Variants in QRICH1 observed in about 807,000 individuals in gnomAD.
The protein encoded by QRICH1 is transcriptional regulator QRICH1.
Under a neutral mutation model 87.1 loss-of-function variants are expected in QRICH1, and 16 were observed. The ratio of observed to expected loss-of-function variants is 0.18; its 90% CI spans 0.12 to 0.28. The LOEUF is 0.28. QRICH1 is among the 10% of genes least tolerant of loss of function. QRICH1 has a pLI of 1.00. For synonymous variants in QRICH1, 367 were observed against 368.4 expected (o/e 1.00, Z 0.05); for missense variants, 647 against 951.7 (o/e 0.68, Z 4.21).
intron 2 of QRICH1, among the ~76,000 whole-genome samples, chr3:49,075,750 C>T (rs2041938550): frequency 6.6e-6 from 1 of 152,084 alleles, no homozygotes; most frequent in Non-Finnish European, 1.5e-5. Flanking sequence ...GGAGTTCAAG[C>T]CCAACATGGG....
chr3:49,039,216 G>T lies in QRICH1; in HGVS notation c.1786+5174C>A, dbSNP rs375131413. Among the ~76,000 whole-genome samples the T allele has an allele frequency of 5.9e-5, 9 of 151,806 alleles. 1 individual carries two copies. The highest frequency in any genetic ancestry group is 4.2e-4 in the South Asian group (2 of 4,816). The stretch of plus-strand genomic sequence containing the variant: ...TACTAAAAATATAAAAATTATCTGG[G>T]TGTTGTGGCACATGCCTGTAATCCC... On this transcript the variant is annotated intron_variant, in intron 6 of 9. Transcript: ENST00000395443.
rs182296397 is a variant in QRICH1 at position 49,044,590 on chromosome 3, T to C, written c.1672-86A>G. ...AATAAATATATTTTTCTACCAGTACTACTATCCTTCCCTACCCATTCACAC... is the reference window on the plus strand; with the variant it reads ...AATAAATATATTTTTCTACCAGTACCACTATCCTTCCCTACCCATTCACAC... On this transcript the variant is annotated intron_variant, in intron 5 of 9. Coordinates refer to ENST00000395443, the MANE Select transcript of QRICH1 (RefSeq NM_198880.3). 1.3e-5 allele frequency: 13 copies of C among 971,100 alleles called. 1 individual carries two copies. The highest frequency in any genetic ancestry group is 1.2e-4 in the African/African-American group (7 of 60,288). 60.2% of individuals were successfully genotyped at this position (971,100 alleles called of 1,614,324 possible). A position where few individuals can be genotyped will look rare whatever the true frequency, so the allele number is the denominator to read the frequency against.
At chr3:49,075,424 A>G (rs1332928652) in intron 2 of QRICH1, among the ~76,000 whole-genome samples, 1 of 152,092 alleles carries the variant, frequency 6.6e-6, no homozygotes, top group Non-Finnish European at 1.5e-5. Flanking sequence ...TGAGGTCAGA[A>G]GTTCGAGACC....
chr3:49,081,944 A>C (rs1433889488), intron 1 of QRICH1, among the ~76,000 whole-genome samples: 1 of 151,972 alleles, frequency 6.6e-6, no homozygotes, highest in Non-Finnish European at 1.5e-5. Flanking sequence ...AGTAGCTGGG[A>C]TTACAGGCAT....
intron 6 of QRICH1, among the ~76,000 whole-genome samples, chr3:49,044,141 GA>G (rs538027583): frequency 6.6e-6 from 1 of 151,878 alleles, no homozygotes; most frequent in African/African-American, 2.4e-5. Context: ...ATTTTAATAG[GA>G]AAAAAAAGAT....
In QRICH1 at chr3:49,047,640, C is replaced by T. The variant is rs183462216; in HGVS notation, c.1339-394G>A. 1.9e-3 allele frequency among the ~76,000 whole-genome samples: 293 copies of T among 151,944 alleles called. 3 individuals carry two copies. Among genetic ancestry groups the T allele is most frequent in the African/African-American group, 6.4e-3 (264 of 41,478 alleles). On this transcript the variant is annotated intron_variant, in intron 3 of 9. Coordinates refer to ENST00000395443, the MANE Select transcript of QRICH1 (RefSeq NM_198880.3). ...CTGGGTTTACAGGCATGCACCAACA[C>T]GGCCAGCTAATTTTATAATTTTAGT...
chr3:49,032,306 T>G (rs759676721), intron 8 of QRICH1, 33 bp from the exon 9 acceptor site: 1 of 1,548,564 alleles, frequency 6.5e-7, no homozygotes, highest in Non-Finnish European at 8.9e-7. Flanking sequence ...ACCACAGACC[T>G]GGCATCAGAC....
chr3:49,069,543 A>ATTTT (rs372639913), intron 2 of QRICH1, among the ~76,000 whole-genome samples: 7 of 122,778 alleles, frequency 5.7e-5, no homozygotes, highest in East Asian at 4.8e-4. Flanking sequence ...ATGGGGGGGA[A>ATTTT]TTTTTTTTTT....
At chr3:49,056,272 C>A (rs558612965) in intron 3 of QRICH1, among the ~76,000 whole-genome samples, 1 of 152,296 alleles carries the variant, frequency 6.6e-6, no homozygotes, top group East Asian at 1.9e-4. Context: ...CCTCGCCCGG[C>A]CGCCCCCGTA....
rs10600221 is a variant in QRICH1, at chr3:49,071,068, CTT to C, written c.309+5639_309+5640del. Among the ~76,000 whole-genome samples, 719 of 144,942 alleles carry C rather than the reference CTT, an allele frequency of 5.0e-3. 5 individuals carry two copies. Among genetic ancestry groups the C allele is most frequent in the Non-Finnish European group, 7.2e-3 (477 of 66,134 alleles). ...AACACTCCAAACTTAAATCCCCAAA[CTT>C]TTTTTTTTTTTTGAGACAGACTCTT... is the stretch of plus-strand genomic sequence containing the variant. On this transcript the variant is annotated intron_variant, in intron 2 of 9. Transcript: ENST00000395443.
At chr3:49,032,503 G>C (rs1389810221) in intron 8 of QRICH1, 119 bp downstream of exon 8, 16 of 1,321,284 alleles carry the variant, frequency 1.2e-5, no homozygotes, top group Admixed American at 2.4e-5. Context: ...AGAAGGGAGT[G>C]GAGAATTTTA....
chr3:49,076,302 C>T (rs1319178357), intron 2 of QRICH1, among the ~76,000 whole-genome samples: 10 of 152,216 alleles, frequency 6.6e-5, no homozygotes, highest in African/African-American at 2.2e-4. Flanking sequence ...TCGCCGCCGG[C>T]GGGGTCACGT....
intron 3 of QRICH1, 36 bp from the exon 4 acceptor site, chr3:49,047,282 G>GT: frequency 1.9e-6 from 3 of 1,574,160 alleles, no homozygotes; most frequent in Non-Finnish European, 1.7e-6. Flanking sequence ...TGTCAATATT[G>GT]TTTTATATTA....
chr3:49,071,944 A>C (rs528158255), intron 2 of QRICH1, among the ~76,000 whole-genome samples: 1 of 152,090 alleles, frequency 6.6e-6, no homozygotes, highest in African/African-American at 2.4e-5. Flanking sequence ...CACTCACCTC[A>C]GCCTCCCAAA....
At chr3:49,066,575 CTG>C (rs1440705000) in intron 2 of QRICH1, among the ~76,000 whole-genome samples, 5 of 151,194 alleles carry the variant, frequency 3.3e-5, no homozygotes. Context: ...AGCAATTCTC[CTG>C]CCTCAGCCTC....
At chr3:49,043,204 TAA>T (rs1161488362) in intron 6 of QRICH1, among the ~76,000 whole-genome samples, 1 of 151,956 alleles carries the variant, frequency 6.6e-6, no homozygotes, top group Non-Finnish European at 1.5e-5. Flanking sequence ...CTCTAAAACA[TAA>T]AGTCTATTGG....
In QRICH1 at chr3:49,057,061, G is replaced by C. The variant is rs148275282; in HGVS notation, c.1139C>G (p.Ala380Gly). The change falls in exon 3 of 10, where the codon GCA (alanine) becomes GGA (glycine). Residue 380 changes from alanine (A) to glycine (G), a missense_variant. Around this residue, in one of 7 missense-constraint regions of QRICH1, gnomAD observed 115 missense variants for 126.8 expected, o/e 0.91. Coordinates refer to ENST00000395443, the MANE Select transcript of QRICH1 (RefSeq NM_198880.3). The surrounding 1 kb of genome is among the most constrained non-coding windows in gnomAD (Gnocchi z 5.4). ...GAACTGTGCTGGAAAGAGAGAGTTT[G>C]CAAGGGTCTGCACTACCTCTTCATG... ...NSHEEVVQTLANSLFPAQFMN... is the reference protein window; with the variant it reads ...NSHEEVVQTLGNSLFPAQFMN... 1 of 1,614,234 alleles carries C rather than the reference G, an allele frequency of 6.2e-7. No individual in the cohort carries two copies. Among genetic ancestry groups the C allele is most frequent in the East Asian group, 2.2e-5 (1 of 44,884 alleles).
At chr3:49,054,098 C>T (rs1393456375) in intron 3 of QRICH1, among the ~76,000 whole-genome samples, 1 of 152,114 alleles carries the variant, frequency 6.6e-6, no homozygotes, top group African/African-American at 2.4e-5. Flanking sequence ...ATGTAAATCA[C>T]TCTAAGACTT....
intron 2 of QRICH1, among the ~76,000 whole-genome samples, chr3:49,068,908 G>A (rs28413015): frequency 0.023 from 3,467 of 151,850 alleles, 150 homozygotes; most frequent in African/African-American, 0.078. Flanking sequence ...TGGGATTACA[G>A]GCATGAGCAA....
Sources: gnomAD v4.1 joint callset for allele counts (sites outside exome capture counted in the v4.1 genomes callset) on GRCh38, gnomAD v4.1.1 for gene constraint, gnomAD v4.1.1 regional missense constraint, Gnocchi (gnomAD v3.1) non-coding constraint, MANE v1.5 for transcripts, NCBI Gene and HGNC (gene_info 2026-07-23, HGNC 2026-07-21) for gene names.